The following NEIL3 variants were observed in gnomAD, a reference collection of about 807,000 sequenced individuals.
NEIL3 encodes the protein nei like DNA glycosylase 3.
In NEIL3, 48 loss-of-function variants were observed where a neutral mutation model predicts 57.5. The observed-to-expected ratio is 0.83, with a 90% CI of 0.66 to 1.06. NEIL3 has a LOEUF of 1.06. Among genes scored for constraint, NEIL3 ranks in the 50% least tolerant of loss-of-function variants. NEIL3 has a pLI of 0.00. For missense variants in NEIL3, 717 were observed against 739.1 expected, an observed-to-expected ratio of 0.97 and a Z score of 0.35; for synonymous variants, 261 against 253.2, an observed-to-expected ratio of 1.03 and a Z score of -0.29.
rs535268810 is a variant in NEIL3 at position 177,324,745 on chromosome 4, A to G, written c.278+2165A>G. Among the ~76,000 whole-genome samples, 6 of 152,298 alleles carry G rather than the reference A, an allele frequency of 3.9e-5. No individual in the cohort carries two copies. In the South Asian group the frequency reaches 1.2e-3, roughly 32 times the overall value. On this transcript the variant is annotated intron_variant, in intron 2 of 9. Coordinates refer to ENST00000264596, the MANE Select transcript of NEIL3 (RefSeq NM_018248.3). Reference sequence around the variant, plus strand: ...AGTACTCAGTAGAGAAAACTGAAAAATAATGAAAATAAGTGTAAAGTAATA... The same window carrying G: ...AGTACTCAGTAGAGAAAACTGAAAAGTAATGAAAATAAGTGTAAAGTAATA...
At chr4:177,354,532 C>A (rs958974073) in intron 8 of NEIL3, among the ~76,000 whole-genome samples, 1 of 152,002 alleles carries the variant, frequency 6.6e-6, no homozygotes. Flanking sequence ...AACAGTCATG[C>A]GAGATGGTGT....
intron 6 of NEIL3, among the ~76,000 whole-genome samples, chr4:177,345,010 C>T (rs999425099): frequency 6.6e-6 from 1 of 152,092 alleles, no homozygotes; most frequent in Non-Finnish European, 1.5e-5. Flanking sequence ...TTAGGGTCTG[C>T]TATACACCAG....
intron 7 of NEIL3, among the ~76,000 whole-genome samples, chr4:177,352,086 C>A (rs935282254): frequency 6.6e-6 from 1 of 152,206 alleles, no homozygotes; most frequent in Non-Finnish European, 1.5e-5. Context: ...GCATTTAGGG[C>A]ATGTAAAACC....
chr4:177,356,503 T>A (rs1735476042), intron 8 of NEIL3, among the ~76,000 whole-genome samples: 1 of 152,198 alleles, frequency 6.6e-6, no homozygotes, highest in Non-Finnish European at 1.5e-5. Flanking sequence ...AATTGCAAAT[T>A]ACTGTCATTT....
At chr4:177,344,272 A>G (rs1390302464) in intron 6 of NEIL3, among the ~76,000 whole-genome samples, 1 of 152,236 alleles carries the variant, frequency 6.6e-6, no homozygotes, top group Non-Finnish European at 1.5e-5. Flanking sequence ...TTGAAAACCA[A>G]GATGATTTGC....
chr4:177,344,638 T>C (rs557679691), intron 6 of NEIL3, among the ~76,000 whole-genome samples: 3 of 151,664 alleles, frequency 2.0e-5, no homozygotes, highest in African/African-American at 7.3e-5. Context: ...CTCGGCTCAC[T>C]GCAACTTTCG....
In NEIL3 at chr4:177,345,346, C is replaced by T. The variant is rs559494640; in HGVS notation, c.869+3704C>T. Among the ~76,000 whole-genome samples the T allele has an allele frequency of 3.9e-5, 6 of 152,216 alleles. No homozygotes were observed. The South Asian group carries it at 1.2e-3, about 32-fold the overall frequency. Reference sequence around the variant, plus strand: ...GGGAGAACATTTGGAATGCTGCACACAGGATATTTTGTTCCTTCAGGAGCA... The same window carrying T: ...GGGAGAACATTTGGAATGCTGCACATAGGATATTTTGTTCCTTCAGGAGCA... On this transcript the variant is annotated intron_variant, in intron 6 of 9. Coordinates refer to ENST00000264596, the MANE Select transcript of NEIL3 (RefSeq NM_018248.3).
intron 6 of NEIL3, among the ~76,000 whole-genome samples, chr4:177,346,649 A>G (rs1431942240): frequency 1.3e-5 from 2 of 152,166 alleles, no homozygotes; most frequent in East Asian, 1.9e-4. Context: ...GGCGAATACT[A>G]CCAGATTCAG....
intron 2 of NEIL3, among the ~76,000 whole-genome samples, chr4:177,322,982 C>T (rs34170459): frequency 9.2e-5 from 14 of 152,068 alleles, no homozygotes; most frequent in Non-Finnish European, 1.9e-4. Flanking sequence ...TTTCTGGCTT[C>T]CTGCTTTCTC....
At chr4:177,326,858 A>G (rs544368715) in intron 2 of NEIL3, among the ~76,000 whole-genome samples, 11 of 152,252 alleles carry the variant, frequency 7.2e-5, no homozygotes, top group Admixed American at 2.0e-4. Context: ...GTGTATGGAA[A>G]TACAATTTTT....
At position 177,336,288 on chromosome 4, in the gene NEIL3, T is replaced by C. The variant is rs1389309268; in HGVS notation, c.594T>C (p.Ala198=). Residue 198 remains alanine, a synonymous_variant, in exon 4 of 10, where the codon GCT becomes GCC. Coordinates refer to ENST00000264596, the MANE Select transcript of NEIL3 (RefSeq NM_018248.3). ...TAGGGAACATCATCAAAAATGAAGC[T>C]CTCTTTGACAGTGGTCTCCACCCAG... The part of the protein sequence containing the change: ...PGVGNIIKNE[A]LFDSGLHPAV... 5 of 1,614,134 alleles carry C rather than the reference T, an allele frequency of 3.1e-6. No homozygotes were observed. Among genetic ancestry groups the C allele is most frequent in the Middle Eastern group, 1.6e-4 (1 of 6,062 alleles).
chr4:177,348,470 G>A (rs894476979), intron 6 of NEIL3, among the ~76,000 whole-genome samples: 1 of 152,072 alleles, frequency 6.6e-6, no homozygotes, highest in Non-Finnish European at 1.5e-5. Flanking sequence ...GGCAGAGTCC[G>A]CCTGCTCCTT....
chr4:177,332,849 T>C (rs1734907957), intron 2 of NEIL3, among the ~76,000 whole-genome samples: 1 of 152,190 alleles, frequency 6.6e-6, no homozygotes. Context: ...TTACTTTCCA[T>C]GGCGGGGCTT....
intron 2 of NEIL3, among the ~76,000 whole-genome samples, chr4:177,327,850 A>G (rs1734813445): frequency 6.6e-6 from 1 of 151,924 alleles, no homozygotes; most frequent in Non-Finnish European, 1.5e-5. Flanking sequence ...TTCTATATTG[A>G]TTGATTTTTA....
Position 177,349,731 on chromosome 4 carries a change from A to G in NEIL3, c.870-1649A>G, listed in dbSNP as rs180953834. ...TCCAAGTGGAGATTGGGAAGAATTT[A>G]TTAATGAGTGATTAAGAAATAGAGC... On this transcript the variant is annotated intron_variant, in intron 6 of 9. Coordinates refer to ENST00000264596, the MANE Select transcript of NEIL3 (RefSeq NM_018248.3). Among the ~76,000 whole-genome samples, 29 of 152,330 alleles carry G rather than the reference A, an allele frequency of 1.9e-4. No homozygotes were observed. The East Asian group carries it at 4.8e-3, about 25-fold the overall frequency.
rs150266124 is a variant in NEIL3, at chr4:177,310,043, C to A, written c.90C>A (p.Ser30Arg). ...PGQAVTGVRG[S>R]ALRSLQGRAL... Reference sequence around the variant, plus strand: ...AGGCGGTGACCGGCGTGCGGGGAAGCGCTCTGCGGAGTCTGCAGGGCCGCG... The same window carrying A: ...AGGCGGTGACCGGCGTGCGGGGAAGAGCTCTGCGGAGTCTGCAGGGCCGCG... Residue 30 changes from serine (S) to arginine (R), a missense_variant, in exon 1 of 10, where the codon AGC becomes AGA. Transcript: ENST00000264596. 2 of 1,609,338 alleles carry A rather than the reference C, an allele frequency of 1.2e-6. No individual in the cohort carries two copies. Among genetic ancestry groups the A allele is most frequent in the Non-Finnish European group, 1.7e-6 (2 of 1,178,506 alleles).
chr4:177,330,216 A>AATTTAAAGT lies in NEIL3; in HGVS notation c.279-5467_279-5459dup, dbSNP rs1219789625. On this transcript the variant is annotated intron_variant, in intron 2 of 9. Coordinates refer to ENST00000264596, the MANE Select transcript of NEIL3 (RefSeq NM_018248.3). The stretch of plus-strand genomic sequence containing the variant: ...CGTGAGCCACTGCGCCCAGCTGAAA[A>AATTTAAAGT]ATTTAAAGTATTTGGAAATCAATGT... Among the ~76,000 whole-genome samples, 3 of 152,172 alleles carry AATTTAAAGT rather than the reference A, an allele frequency of 2.0e-5. No homozygotes were observed. The East Asian group carries it at 5.8e-4, about 29-fold the overall frequency.
At chr4:177,345,267 A>G (rs1212886892) in intron 6 of NEIL3, among the ~76,000 whole-genome samples, 1 of 152,226 alleles carries the variant, frequency 6.6e-6, no homozygotes, top group Non-Finnish European at 1.5e-5. Flanking sequence ...ATCAAAGACA[A>G]GAGGTAGGAA....
Position 177,353,596 on chromosome 4 carries a change from C to T in NEIL3, c.1328C>T (p.Pro443Leu), listed in dbSNP as rs13112358. The change falls in exon 8 of 10, where the codon CCA (proline) becomes CTA (leucine). Residue 443 changes from proline (P) to leucine (L), a missense_variant. Pro to Leu is a moderately conservative substitution (Grantham distance 98). Coordinates refer to ENST00000264596, the MANE Select transcript of NEIL3 (RefSeq NM_018248.3). ...AAGACAACAAACGATATAACTCAAC[C>T]ATCCAGCAAAGTAAACATATCACCT... ...SKKTTNDITQ[P>L]SSKVNISPTI... 1,180,838 of 1,610,224 alleles carry T rather than the reference C, an allele frequency of 0.73. 438,001 individuals carry two copies. Among genetic ancestry groups the T allele is most frequent in the Non-Finnish European group, 0.76 (898,401 of 1,176,976 alleles).
Sources: gnomAD v4.1 joint callset for allele counts (sites outside exome capture counted in the v4.1 genomes callset) on GRCh38, gnomAD v4.1.1 for gene constraint, MANE v1.5 for transcripts, NCBI Gene and HGNC (gene_info 2026-07-23, HGNC 2026-07-21) for gene names.